TSGA10: variants seen among roughly 807,000 people sequenced by gnomAD.
TSGA10 encodes the protein testis specific 10, also known as testis-specific gene 10 protein.
In TSGA10, 43 loss-of-function variants were observed where a neutral mutation model predicts 96.6. The ratio of observed to expected loss-of-function variants is 0.44; its 90% CI spans 0.35 to 0.57. The LOEUF (loss-of-function observed/expected upper bound fraction) is 0.57, where lower values mean the gene tolerates loss of function less well. Ranked by LOEUF, TSGA10 falls within the 20% of genes least tolerant of loss-of-function variation. The pLI is 0.01. For synonymous variants in TSGA10, 229 were observed against 269.9 expected (o/e 0.85, Z 1.48); for missense variants, 703 against 834.4 (o/e 0.84, Z 1.94).
chr2:99,143,443 G>A (rs1199074059), intron 1 of TSGA10, among the ~76,000 whole-genome samples: 1 of 150,088 alleles, frequency 6.7e-6, no homozygotes, highest in African/African-American at 2.5e-5. Flanking sequence ...ACAGGTGTGA[G>A]CCACTGCGCC....
chr2:99,022,153 C>T (rs2080086774), intron 17 of TSGA10, among the ~76,000 whole-genome samples: 1 of 151,706 alleles, frequency 6.6e-6, no homozygotes, highest in Admixed American at 6.6e-5. Context: ...TGGTGAAACT[C>T]CATCGCTACA....
intron 16 of TSGA10, among the ~76,000 whole-genome samples, chr2:99,046,757 C>A (rs1342680367): frequency 6.6e-6 from 1 of 152,078 alleles, no homozygotes; most frequent in Non-Finnish European, 1.5e-5. Flanking sequence ...ACACAAAAAA[C>A]CCTTCAAAAA....
At chr2:99,042,717 T>C (rs75117195) in intron 16 of TSGA10, among the ~76,000 whole-genome samples, 8,226 of 152,136 alleles carry the variant, frequency 0.054, 423 homozygotes, top group East Asian at 0.21. Flanking sequence ...GCTTTTTTTT[T>C]TTTTGAGACG....
rs1186197418 is a variant in TSGA10 at position 99,154,870 on chromosome 2, C to CT, written c.-799dup. 3 of 356,884 alleles carry CT rather than the reference C, an allele frequency of 8.4e-6. No individual in the cohort carries two copies. The highest frequency in any genetic ancestry group is 2.2e-5 in the African/African-American group (1 of 46,408). 22.1% of individuals were successfully genotyped at this position (356,884 alleles called of 1,614,324 possible). On this transcript the variant is annotated 5_prime_UTR_variant, in exon 1 of 21. Transcript: ENST00000393483. The stretch of plus-strand genomic sequence containing the variant: ...CCTGCGGGCTGCCGGGACCCCACGG[C>CT]TCCGCAGGCGGAGAGACTAGGCGCG...
At chr2:99,077,763 T>A (rs948870260) in intron 12 of TSGA10, among the ~76,000 whole-genome samples, 1 of 151,702 alleles carries the variant, frequency 6.6e-6, no homozygotes, top group Non-Finnish European at 1.5e-5. Flanking sequence ...GGGGTTTCAC[T>A]ATGTTGGCCA....
At chr2:99,064,831 A>G in intron 16 of TSGA10, 108 bp downstream of exon 16, 2 of 925,262 alleles carry the variant, frequency 2.2e-6, no homozygotes, top group Non-Finnish European at 3.1e-6. Context: ...TTCACAGTAC[A>G]TTTAAATAAT....
At chr2:99,033,263 C>T (rs1351621686) in intron 17 of TSGA10, among the ~76,000 whole-genome samples, 1 of 152,160 alleles carries the variant, frequency 6.6e-6, no homozygotes, top group East Asian at 1.9e-4. Flanking sequence ...AAGTACATGC[C>T]CTTAACTCAT....
chr2:99,095,466 C>T (rs1385384150), intron 10 of TSGA10, among the ~76,000 whole-genome samples: 1 of 151,896 alleles, frequency 6.6e-6, no homozygotes, highest in Non-Finnish European at 1.5e-5. Flanking sequence ...ACTATTAATA[C>T]TTTTTTAAGT....
At chr2:99,098,528 C>A (rs2090346366) in intron 10 of TSGA10, among the ~76,000 whole-genome samples, 2 of 139,428 alleles carry the variant, frequency 1.4e-5, no homozygotes, top group Admixed American at 1.4e-4. Flanking sequence ...GAAGAAAATT[C>A]AAGAAAAAAA....
chr2:99,078,195 C>A (rs574565654), intron 12 of TSGA10, among the ~76,000 whole-genome samples: 1 of 143,984 alleles, frequency 6.9e-6, no homozygotes, highest in East Asian at 2.2e-4. Flanking sequence ...TGCTTGAACC[C>A]GGGAGGCGGA....
rs1054042 is a variant in TSGA10 at position 98,997,933 on chromosome 2, G to A, written c.*264C>T. ...CTTTATTTACTCCAGATAGTGAACA[G>A]AATAGTGTTCAATAGTGAAGTAAGC... On this transcript the variant is annotated 3_prime_UTR_variant, in exon 21 of 21. Transcript: ENST00000393483. 5 of 353,076 alleles carry A rather than the reference G, an allele frequency of 1.4e-5. No individual in the cohort carries two copies. In the East Asian group the frequency reaches 2.2e-4, roughly 15 times the overall value. 21.9% of individuals were successfully genotyped at this position (353,076 alleles called of 1,614,324 possible).
chr2:99,027,794 T>C (rs561687320), intron 17 of TSGA10, among the ~76,000 whole-genome samples: 6 of 152,298 alleles, frequency 3.9e-5, no homozygotes, highest in Admixed American at 3.3e-4. Flanking sequence ...ACAGTTTCTT[T>C]TGTTTGCTTT....
intron 1 of TSGA10, among the ~76,000 whole-genome samples, chr2:99,129,090 G>A (rs1451196328): frequency 1.3e-5 from 2 of 152,114 alleles, no homozygotes; most frequent in East Asian, 1.9e-4. Flanking sequence ...TCTGTTCAAT[G>A]AGCCTTGCCC....
chr2:99,146,389 A>G (rs2093632222), intron 1 of TSGA10, among the ~76,000 whole-genome samples: 1 of 152,082 alleles, frequency 6.6e-6, no homozygotes, highest in Non-Finnish European at 1.5e-5. Context: ...ATTAAATACC[A>G]TCAGCTTTGG....
chr2:99,117,851 G>C, intron 3 of TSGA10, 92 bp from the exon 4 acceptor site: 2 of 556,690 alleles, frequency 3.6e-6, no homozygotes, highest in Non-Finnish European at 4.6e-6. Flanking sequence ...AGGGAGATTT[G>C]CTTCCCTGGC....
At chr2:99,150,956 G>A in intron 1 of TSGA10, 1 of 643,454 alleles carries the variant, frequency 1.6e-6, no homozygotes, top group East Asian at 2.8e-5. Context: ...GCCTTATTTT[G>A]CACTATTTGT....
chr2:99,104,192 C>T lies in TSGA10; in HGVS notation c.460-74G>A, dbSNP rs1400884583. ...GTAATCTTCCTGAAGGGCATACTCC[C>T]TCTGTACAAACTGGTTTATGGCAAG... On this transcript the variant is annotated intron_variant, in intron 9 of 20. Coordinates refer to ENST00000393483, the MANE Select transcript of TSGA10 (RefSeq NM_025244.4). The T allele has an allele frequency of 2.1e-5, 33 of 1,541,390 alleles. No homozygotes were observed. In the South Asian group the frequency reaches 2.6e-4, roughly 12 times the overall value.
At chr2:99,034,636 A>T (rs1367339535) in intron 17 of TSGA10, among the ~76,000 whole-genome samples, 1 of 152,096 alleles carries the variant, frequency 6.6e-6, no homozygotes, top group African/African-American at 2.4e-5. Context: ...GGGATGCCTC[A>T]TTCCTTTAGA....
intron 16 of TSGA10, among the ~76,000 whole-genome samples, chr2:99,054,801 A>G (rs1311027000): frequency 6.6e-6 from 1 of 152,202 alleles, no homozygotes; most frequent in Non-Finnish European, 1.5e-5. Context: ...AGAAATGCAA[A>G]GTAAAAACCA....
Sources: gnomAD v4.1 joint callset for allele counts (sites outside exome capture counted in the v4.1 genomes callset) on GRCh38, gnomAD v4.1.1 for gene constraint, MANE v1.5 for transcripts, NCBI Gene and HGNC (gene_info 2026-07-23, HGNC 2026-07-21) for gene names.